AHI1: variants seen among roughly 807,000 people sequenced by gnomAD.
AHI1 encodes jouberin.
Under a neutral mutation model 149.3 loss-of-function variants are expected in AHI1, and 123 were observed. That is an observed-to-expected ratio of 0.82 (90% CI 0.71 to 0.96). The LOEUF is 0.96. AHI1 is among the 40% of genes least tolerant of loss of function. The probability of loss-of-function intolerance (pLI) is 0.00; values close to 1 mark genes in which losing one functional copy is unlikely to be tolerated. For missense variants in AHI1, 1,439 were observed against 1,422.7 expected (o/e 1.01, Z -0.18); for synonymous variants, 475 against 459.8 (o/e 1.03, Z -0.42).
intron 24 of AHI1, among the ~76,000 whole-genome samples, chr6:135,357,355 T>C (rs9494224): frequency 0.035 from 5,364 of 152,340 alleles, 283 homozygotes; most frequent in African/African-American, 0.12. Context: ...AAAATGTTCA[T>C]TGGGACATTT....
chr6:135,385,156 C>T (rs1777408743), intron 23 of AHI1, among the ~76,000 whole-genome samples: 1 of 152,114 alleles, frequency 6.6e-6, no homozygotes, highest in African/African-American at 2.4e-5. Context: ...CTATGTTACA[C>T]CAGCCTCTAG....
At chr6:135,357,993 T>C in intron 24 of AHI1, 139 bp downstream of exon 24, 1 of 686,474 alleles carries the variant, frequency 1.5e-6, no homozygotes, top group Non-Finnish European at 2.5e-6. Context: ...GTTAACAACA[T>C]TAATATGAAC....
intron 5 of AHI1, among the ~76,000 whole-genome samples, chr6:135,473,743 C>T (rs1193507596): frequency 7.5e-5 from 5 of 66,394 alleles, no homozygotes; most frequent in African/African-American, 1.4e-4. Context: ...GAATGCTACA[C>T]ATTTTTTCTA....
rs374009466 is a variant in AHI1, at chr6:135,442,665, C to T, written c.1829G>A (p.Arg610Gln). Residue 610 changes from arginine (R) to glutamine (Q), a missense_variant, in exon 14 of 29, where the codon CGA (arginine) becomes CAA (glutamine). Transcript: ENST00000265602. ...GGAGAAATCAAGACAAAAACATCCT[C>T]GTTCTCCTGCATTTAGTGAGAAGAG... ...KHLFSLNAGE[R>Q]GCFCLDFSHN... 134 of 1,611,254 alleles carry T rather than the reference C, an allele frequency of 8.3e-5. No individual in the cohort carries two copies. The Middle Eastern group carries it at 1.5e-3, about 18-fold the overall frequency.
At chr6:135,448,577 G>A (rs1219096649) in intron 11 of AHI1, 102 bp from the exon 12 acceptor site, 1 of 905,518 alleles carries the variant, frequency 1.1e-6, no homozygotes, top group East Asian at 2.8e-5. Context: ...GATTAATATG[G>A]CATGCTGAAA....
At chr6:135,482,894 C>CTTTTTTTTTTTTTTTTTTGTTT (rs761997683) in intron 5 of AHI1, among the ~76,000 whole-genome samples, 1 of 55,734 alleles carries the variant, frequency 1.8e-5, no homozygotes, top group Non-Finnish European at 2.8e-5. Flanking sequence ...CCATTTAAGG[C>CTTTTTTTTTTTTTTTTTTGTTT]TTTTTTTTTT....
At chr6:135,446,656 C>T (rs370859195) in intron 13 of AHI1, among the ~76,000 whole-genome samples, 70 of 152,182 alleles carry the variant, frequency 4.6e-4, no homozygotes, top group African/African-American at 1.6e-3. Flanking sequence ...AAAAGTGGAC[C>T]CTCACCAGGA....
Position 135,300,548 on chromosome 6 carries a change from T to C in AHI1, c.3437A>G (p.Asn1146Ser), listed in dbSNP as rs894163780. 7.5e-6 allele frequency: 12 copies of C among 1,606,998 alleles called. No homozygotes were observed. The highest frequency in any genetic ancestry group is 1.7e-5 in the Admixed American group (1 of 59,254). The change falls in exon 27 of 29, where the codon AAT becomes AGT. Residue 1146 changes from asparagine (N) to serine (S), a missense_variant. Asn to Ser is a conservative substitution (Grantham distance 46). Transcript: ENST00000265602. Reference sequence around the variant, plus strand: ...TCTGAAGTCCTGGGACTTGTTCTTATTGATTGATTGCTGTGGAAGAAGAGG... The same window carrying C: ...TCTGAAGTCCTGGGACTTGTTCTTACTGATTGATTGCTGTGGAAGAAGAGG... Reference protein sequence around the residue: ...KSPAPQKQSINKNKSQDFRLG... With the variant: ...KSPAPQKQSISKNKSQDFRLG...
At chr6:135,364,474 A>G (rs1488633724) in intron 23 of AHI1, among the ~76,000 whole-genome samples, 8 of 150,264 alleles carry the variant, frequency 5.3e-5, no homozygotes, top group Non-Finnish European at 1.2e-4. Flanking sequence ...GACGCTCCTC[A>G]CTTCCCAGAC....
At chr6:135,477,949 C>T (rs1305426870) in intron 5 of AHI1, among the ~76,000 whole-genome samples, 1 of 151,928 alleles carries the variant, frequency 6.6e-6, no homozygotes, top group Non-Finnish European at 1.5e-5. Context: ...AGGCATTTGC[C>T]ACCACACCCG....
chr6:135,348,179 A>T (rs1352183949), intron 24 of AHI1, among the ~76,000 whole-genome samples: 1 of 152,190 alleles, frequency 6.6e-6, no homozygotes, highest in East Asian at 1.9e-4. Context: ...GTAAAAAAAC[A>T]ATCTATGGAA....
At chr6:135,338,929 T>C (rs1238213841) in intron 24 of AHI1, among the ~76,000 whole-genome samples, 1 of 143,940 alleles carries the variant, frequency 6.9e-6, no homozygotes, top group Non-Finnish European at 1.5e-5. Context: ...CATCTTTCCT[T>C]TTTTTTTTTT....
At chr6:135,350,369 T>C (rs1412343237) in intron 24 of AHI1, among the ~76,000 whole-genome samples, 2 of 152,206 alleles carry the variant, frequency 1.3e-5, no homozygotes, top group South Asian at 2.1e-4. Context: ...CCATTTGTCT[T>C]CTTTGAGGGC....
intron 2 of AHI1, 94 bp from the exon 3 acceptor site, chr6:135,495,992 AAAT>A (rs1583536958): frequency 6.6e-6 from 1 of 152,240 alleles, no homozygotes; most frequent in Non-Finnish European, 1.5e-5. Flanking sequence ...AAAAATAAGT[AAAT>A]AATTACAAAT....
rs561780014 is a variant in AHI1, at chr6:135,311,276, T to C, written c.3426+7243A>G. 5.0e-4 allele frequency among the ~76,000 whole-genome samples: 62 copies of C among 124,506 alleles called. No homozygotes were observed. The South Asian group carries it at 6.7e-3, about 14-fold the overall frequency. The allele number at this position is 124,506 out of a possible 152,430, so 81.7% of individuals were successfully genotyped here. ...GGGATCCCATCACTGCACTCCAACCTGGGTGACAGGGCGAGACCCCGCCTC... is the reference window on the plus strand; with the variant it reads ...GGGATCCCATCACTGCACTCCAACCCGGGTGACAGGGCGAGACCCCGCCTC... On this transcript the variant is annotated intron_variant, in intron 26 of 28. Transcript: ENST00000265602.
intron 5 of AHI1, among the ~76,000 whole-genome samples, chr6:135,473,575 GGATT>G (rs1229799405): frequency 2.6e-5 from 4 of 152,072 alleles, no homozygotes; most frequent in Non-Finnish European, 5.9e-5. Flanking sequence ...GCATTGATTA[GGATT>G]GAATTTAACA....
chr6:135,331,386 C>G (rs887857830), intron 24 of AHI1, among the ~76,000 whole-genome samples: 2 of 152,170 alleles, frequency 1.3e-5, no homozygotes, highest in African/African-American at 4.8e-5. Flanking sequence ...CTCAGTGTCA[C>G]TGGATTGGCA....
At position 135,430,900 on chromosome 6, in the gene AHI1, C is replaced by T. The variant is rs375216324; in HGVS notation, c.2373+308G>A. Among the ~76,000 whole-genome samples the T allele has an allele frequency of 9.2e-5, 14 of 151,982 alleles. 1 individual carries two copies. The highest frequency in any genetic ancestry group is 1.9e-4 in the East Asian group (1 of 5,184). On this transcript the variant is annotated intron_variant, in intron 17 of 28. Transcript: ENST00000265602. ...ATAGGAAATATAAATTATTACTTATCGATGGTAATATAACATACATCTCAT... is the reference window on the plus strand; with the variant it reads ...ATAGGAAATATAAATTATTACTTATTGATGGTAATATAACATACATCTCAT...
chr6:135,391,923 A>C (rs1248361126), intron 23 of AHI1, among the ~76,000 whole-genome samples: 1 of 152,136 alleles, frequency 6.6e-6, no homozygotes, highest in Non-Finnish European at 1.5e-5. Context: ...GTTATCTCTA[A>C]ACAACTGGGT....
Sources: allele counts gnomAD v4.1 joint callset (sites outside exome capture counted in the v4.1 genomes callset), GRCh38; gene constraint gnomAD v4.1.1; transcripts MANE v1.5; gene names NCBI Gene and HGNC (gene_info 2026-07-23, HGNC 2026-07-21).